KLKB1: variants seen among roughly 807,000 people sequenced by gnomAD.
KLKB1 encodes plasma kallikrein.
In KLKB1, 58 loss-of-function variants were observed where a neutral mutation model predicts 73.6. The observed-to-expected ratio is 0.79, with a 90% CI of 0.64 to 0.98. The LOEUF (loss-of-function observed/expected upper bound fraction) is 0.98, where lower values mean the gene tolerates loss of function less well. Ranked by LOEUF, KLKB1 falls within the 50% of genes least tolerant of loss-of-function variation. KLKB1 has a pLI of 0.00. For missense variants in KLKB1, 737 were observed against 763.8 expected (o/e 0.96, Z 0.41); for synonymous variants, 280 against 258.1 (o/e 1.08, Z -0.81).
chr4:186,232,077 A>G, intron 2 of KLKB1, 50 bp from the exon 3 acceptor site: 1 of 1,469,638 alleles, frequency 6.8e-7, no homozygotes. Flanking sequence ...TCTTTTTATT[A>G]AAATTATTAT....
chr4:186,245,823 G>GTTTTTT lies in KLKB1; in HGVS notation c.599-4420_599-4419insTTTTTT, dbSNP rs1561460148. On this transcript the variant is annotated intron_variant, in intron 6 of 14. Transcript: ENST00000264690. ...TGGAGTTTTTTTTTGTTTGTTTTTTGGTTTTTTTTTTTTAATGTCAGGAGC... is the reference window on the plus strand; with the variant it reads ...TGGAGTTTTTTTTTGTTTGTTTTTTGTTTTTTGTTTTTTTTTTTTAATGTCAGGAGC... Among the ~76,000 whole-genome samples the GTTTTTT allele has an allele frequency of 9.2e-3, 445 of 48,626 alleles. 16 individuals are homozygous for GTTTTTT. The highest frequency in any genetic ancestry group is 0.022 in the African/African-American group (420 of 18,762). 31.9% of individuals were successfully genotyped at this position (48,626 alleles called of 152,430 possible). A position where few individuals can be genotyped will look rare whatever the true frequency, so the allele number is the denominator to read the frequency against.
chr4:186,231,752 G>A (rs1449492223), intron 2 of KLKB1, among the ~76,000 whole-genome samples: 1 of 152,220 alleles, frequency 6.6e-6, no homozygotes, highest in African/African-American at 2.4e-5. Context: ...AGCTGGTGGA[G>A]ATGTTTGTTA....
At chr4:186,218,696 G>T (rs1736965269) in intron 2 of KLKB1, among the ~76,000 whole-genome samples, 1 of 151,862 alleles carries the variant, frequency 6.6e-6, no homozygotes, top group South Asian at 2.1e-4. Flanking sequence ...ATTCTCTAGT[G>T]AAGTTCATGT....
At chr4:186,218,629 A>T (rs1272260350) in intron 2 of KLKB1, among the ~76,000 whole-genome samples, 1 of 144,350 alleles carries the variant, frequency 6.9e-6, no homozygotes, top group African/African-American at 2.6e-5. Flanking sequence ...TATTTTACAT[A>T]GTGTGTGTGT....
upstream of KLKB1, among the ~76,000 whole-genome samples, chr4:186,226,642 C>T (rs775869357): frequency 2.0e-5 from 3 of 152,216 alleles, no homozygotes; most frequent in Non-Finnish European, 4.4e-5. Context: ...TGGGGATCAC[C>T]TGGCACCTGA....
chr4:186,248,012 C>T (rs1738446563), intron 6 of KLKB1, among the ~76,000 whole-genome samples: 1 of 152,166 alleles, frequency 6.6e-6, no homozygotes, highest in African/African-American at 2.4e-5. Flanking sequence ...CTTTGGGAGG[C>T]CGAGGCGGGC....
upstream of KLKB1, among the ~76,000 whole-genome samples, chr4:186,222,809 T>G (rs985126087): frequency 4.6e-5 from 7 of 152,190 alleles, no homozygotes; most frequent in African/African-American, 1.4e-4. Flanking sequence ...AGAATTCCCT[T>G]TAGCATTTTT....
chr4:186,242,485 G>T (rs537630044), intron 6 of KLKB1, among the ~76,000 whole-genome samples: 92 of 152,270 alleles, frequency 6.0e-4, no homozygotes, highest in African/African-American at 1.9e-3. Context: ...TGGGAGAGAT[G>T]AAGCTGAAGG....
At chr4:186,251,020 C>T in intron 7 of KLKB1, 199 bp from the exon 8 acceptor site, 1 of 565,576 alleles carries the variant, frequency 1.8e-6, no homozygotes, top group South Asian at 2.3e-5. Context: ...TTAGTTTTCT[C>T]CAGAGGGAGA....
At chr4:186,246,928 G>T (rs1265147543) in intron 6 of KLKB1, among the ~76,000 whole-genome samples, 2 of 152,164 alleles carry the variant, frequency 1.3e-5, no homozygotes, top group Admixed American at 1.3e-4. Context: ...GATAAAACGC[G>T]TCTCCTCTGT....
rs1361118158 is a variant in KLKB1 at position 186,228,240 on chromosome 4, TAC to T, written c.47_48del (p.Thr16SerfsTer11). 2 of 1,596,486 alleles carry T rather than the reference TAC, an allele frequency of 1.3e-6. No homozygotes were observed. The highest frequency in any genetic ancestry group is 1.7e-6 in the Non-Finnish European group (2 of 1,164,090). On this transcript the variant is annotated frameshift_variant, in exon 2 of 15. Transcript: ENST00000264690. LOFTEE classifies it high-confidence loss of function. ...QATYFISLFA[T>X]VSCGCLTQLY... ...CAACTTATTTCATTTCCTTGTTTGC[TAC>T]AGTTTCCTGTGGTAAGTGAATTATC... is the stretch of plus-strand genomic sequence containing the variant.
intron 6 of KLKB1, among the ~76,000 whole-genome samples, chr4:186,246,888 C>T (rs945120640): frequency 1.3e-5 from 2 of 152,284 alleles, no homozygotes; most frequent in Middle Eastern, 3.4e-3. Context: ...TTCCCAAGTC[C>T]ATGACCAGTG....
chr4:186,228,013 A>G (rs1229463179), intron 1 of KLKB1, among the ~76,000 whole-genome samples, 182 bp from the exon 2 acceptor site: 2 of 152,190 alleles, frequency 1.3e-5, no homozygotes, highest in African/African-American at 4.8e-5. Context: ...GGGAAGCATT[A>G]TAAATTTTCC....
rs182265995 is a variant in KLKB1, at chr4:186,216,613, G to T, written c.201+7341G>T. On this transcript the variant is annotated intron_variant, in intron 2 of 14. Transcript: ENST00000511608. Reference sequence around the variant, plus strand: ...GGCTCCATCCTGGCACGTGTCTAAGGGGAGGTTCTGGAGAAAAATCCTCTT... The same window carrying T: ...GGCTCCATCCTGGCACGTGTCTAAGTGGAGGTTCTGGAGAAAAATCCTCTT... Among the ~76,000 whole-genome samples the T allele has an allele frequency of 7.0e-3, 1,068 of 152,214 alleles. 7 individuals are homozygous for T. The highest frequency in any genetic ancestry group is 0.023 in the African/African-American group (964 of 41,506).
chr4:186,240,225 T>C lies in KLKB1; in HGVS notation c.598+1860T>C, dbSNP rs953178322. On this transcript the variant is annotated intron_variant, in intron 6 of 14. Coordinates refer to ENST00000264690, the MANE Select transcript of KLKB1 (RefSeq NM_000892.5). ...TTGTTATAGTTATAGGACAGTGATA[T>C]TGTTATAGTTATAGGACAGTGATGT... 3.3e-5 allele frequency among the ~76,000 whole-genome samples: 5 copies of C among 152,122 alleles called. No individual in the cohort carries two copies. The South Asian group carries it at 8.3e-4, about 25-fold the overall frequency.
intron 2 of KLKB1, among the ~76,000 whole-genome samples, chr4:186,231,454 T>C (rs1334519701): frequency 6.6e-6 from 1 of 152,266 alleles, no homozygotes; most frequent in African/African-American, 2.4e-5. Flanking sequence ...TTATTTTCAA[T>C]TTAGCATATG....
In KLKB1 at chr4:186,252,203, C is replaced by G; in HGVS notation, c.1313+18C>G. On this transcript the variant is annotated intron_variant, in intron 11 of 14. Coordinates refer to ENST00000264690, the MANE Select transcript of KLKB1 (RefSeq NM_000892.5). ...TTTGATGGGTAAGTGTTGGATGCAT[C>G]TCATCCAGAGTCTTATCTTGGCTTT... The G allele has an allele frequency of 6.2e-7, 1 of 1,609,910 alleles. No homozygotes were observed. Among genetic ancestry groups the G allele is most frequent in the South Asian group, 1.1e-5 (1 of 90,992 alleles).
chr4:186,251,136 G>T, intron 7 of KLKB1, 83 bp from the exon 8 acceptor site: 1 of 857,170 alleles, frequency 1.2e-6, no homozygotes, highest in East Asian at 2.5e-5. Context: ...GTTGCTTTTT[G>T]GGTGTGAGCT....
chr4:186,220,508 C>T (rs1737009960), intron 2 of KLKB1, among the ~76,000 whole-genome samples: 1 of 152,214 alleles, frequency 6.6e-6, no homozygotes, highest in Admixed American at 6.5e-5. Context: ...CACCATTCTA[C>T]TCTCTGTTAG....
Sources: gnomAD v4.1 joint callset for allele counts (sites outside exome capture counted in the v4.1 genomes callset) on GRCh38, gnomAD v4.1.1 for gene constraint, MANE v1.5 for transcripts, NCBI Gene and HGNC (gene_info 2026-07-23, HGNC 2026-07-21) for gene names.